The following AKAP9 variants were observed in gnomAD, a reference collection of about 807,000 sequenced individuals.
AKAP9 encodes A-kinase anchoring protein 9, also known as A-kinase anchor protein 9.
A neutral mutation model predicts 488.5 loss-of-function variants in AKAP9; 311 were observed. The ratio of observed to expected loss-of-function variants is 0.64; its 90% CI spans 0.58 to 0.70. The LOEUF (loss-of-function observed/expected upper bound fraction) is 0.70. AKAP9 is among the 30% of genes least tolerant of loss of function. The pLI, the probability that AKAP9 is intolerant of heterozygous loss-of-function variation, is 0.00. For synonymous variants in AKAP9, 1,462 were observed against 1,483.5 expected (o/e 0.99, Z 0.33); for missense variants, 4,215 against 4,374.5 (o/e 0.96, Z 1.03).
rs1810612787 is a variant in AKAP9 at position 92,065,409 on chromosome 7, A to G, written c.6156A>G (p.Arg2052=). Reference sequence around the variant, plus strand: ...AAAATACTGAACTAATGGATTTAAGACAGCAAAACCAAGCATTGGAAAAGC... The same window carrying G: ...AAAATACTGAACTAATGGATTTAAGGCAGCAAAACCAAGCATTGGAAAAGC... The part of the protein sequence containing the change: ...QEKNTELMDL[R]QQNQALEKQL... The change falls in exon 25 of 50, where the codon AGA becomes AGG. Residue 2052 remains arginine, a synonymous_variant. Coordinates refer to ENST00000356239, the MANE Select transcript of AKAP9 (RefSeq NM_005751.5). 6.2e-7 allele frequency: 1 copy of G among 1,613,022 alleles called. No homozygotes were observed. Among genetic ancestry groups the G allele is most frequent in the Non-Finnish European group, 8.5e-7 (1 of 1,179,468 alleles).
At chr7:92,042,003 C>T (rs1806188725) in intron 18 of AKAP9, 43 bp from the exon 19 acceptor site, 1 of 1,604,200 alleles carries the variant, frequency 6.2e-7, no homozygotes, top group East Asian at 2.2e-5. Flanking sequence ...CCCTTTTTCT[C>T]TATCACAAAC....
chr7:92,095,293 C>G, intron 40 of AKAP9, 120 bp downstream of exon 40: 1 of 1,115,390 alleles, frequency 9.0e-7, no homozygotes, highest in Non-Finnish European at 1.3e-6. Flanking sequence ...GTAAGTTGTT[C>G]ACTGTGCATT....
chr7:92,068,365 C>CAAAAA (rs77237109), intron 26 of AKAP9, among the ~76,000 whole-genome samples: 2 of 46,516 alleles, frequency 4.3e-5, no homozygotes, highest in Non-Finnish European at 9.5e-5. Flanking sequence ...GACTCCGTCT[C>CAAAAA]AAAAAAAAAA....
chr7:92,027,583 T>C lies in AKAP9; in HGVS notation c.4149-2312T>C, dbSNP rs866607646. Among the ~76,000 whole-genome samples, 397 of 120,820 alleles carry C rather than the reference T, an allele frequency of 3.3e-3. 2 individuals are homozygous for C. Among genetic ancestry groups the C allele is most frequent in the Non-Finnish European group, 4.6e-3 (265 of 57,212 alleles). The allele number at this position is 120,820 out of a possible 152,430, so 79.3% of individuals were successfully genotyped here. On this transcript the variant is annotated intron_variant, in intron 14 of 49. Coordinates refer to ENST00000356239, the MANE Select transcript of AKAP9 (RefSeq NM_005751.5). ...GAGGTGAGGAGCACCTCTGCCCGGC[T>C]GCCCCGTCTGGGAAGTGAGGAGCGC...
At chr7:92,070,875 A>G in intron 27 of AKAP9, 30 bp from the exon 28 acceptor site, 1 of 1,525,178 alleles carries the variant, frequency 6.6e-7, no homozygotes, top group Non-Finnish European at 9.0e-7. Context: ...TAATTTATCA[A>G]ATTTTGAGAA....
chr7:92,081,962 A>T (rs1340760265), intron 31 of AKAP9, among the ~76,000 whole-genome samples: 1 of 152,154 alleles, frequency 6.6e-6, no homozygotes, highest in African/African-American at 2.4e-5. Context: ...TTAAAATAGT[A>T]ATATAACTTT....
chr7:91,979,404 A>G (rs577734120), intron 2 of AKAP9, among the ~76,000 whole-genome samples: 1 of 152,218 alleles, frequency 6.6e-6, no homozygotes, highest in South Asian at 2.1e-4. Context: ...TATGGGGGAA[A>G]CTGCTCTCAT....
chr7:92,064,552 T>C (rs1478494890), intron 24 of AKAP9, among the ~76,000 whole-genome samples: 8 of 152,102 alleles, frequency 5.3e-5, no homozygotes, highest in Non-Finnish European at 1.0e-4. Flanking sequence ...TCATCATAAC[T>C]GTCACATGGG....
chr7:92,098,397 G>T lies in AKAP9; in HGVS notation c.10713+183G>T, dbSNP rs369450734. On this transcript the variant is annotated intron_variant, in intron 43 of 49. Coordinates refer to ENST00000356239, the MANE Select transcript of AKAP9 (RefSeq NM_005751.5). ...CCAAGAGAAGATAATGAAAGCTTAG[G>T]GGGGGAATTAGCTTTCATTATTGTC... 1.1e-3 allele frequency among the ~76,000 whole-genome samples: 166 copies of T among 152,028 alleles called. 2 individuals carry two copies. In the Middle Eastern group the frequency reaches 0.014, roughly 12 times the overall value.
At position 92,002,955 on chromosome 7, in the gene AKAP9, A is replaced by T. The variant is rs1554405449; in HGVS notation, c.3038A>T (p.Asp1013Val). ...AGGGCAGAAAATGTACAGTCATGTGATACTCAAGTAAGCTCTTTATTAGAT... is the reference window on the plus strand; with the variant it reads ...AGGGCAGAAAATGTACAGTCATGTGTTACTCAAGTAAGCTCTTTATTAGAT... ...HNRAENVQSC[D>V]TQVSSLLDGV... The change falls in exon 8 of 50, where the codon GAT becomes GTT. Residue 1013 changes from aspartate to valine, a missense_variant. Asp to Val is a radical substitution (Grantham distance 152, BLOSUM62 -3). Around this residue, in one of 5 missense-constraint regions of AKAP9, gnomAD observed 2,361 missense variants for 2,430.0 expected, o/e 0.97. Coordinates refer to ENST00000356239, the MANE Select transcript of AKAP9 (RefSeq NM_005751.5). 1 of 1,613,246 alleles carries T rather than the reference A, an allele frequency of 6.2e-7. No homozygotes were observed. The highest frequency in any genetic ancestry group is 8.5e-7 in the Non-Finnish European group (1 of 1,179,608).
intron 45 of AKAP9, among the ~76,000 whole-genome samples, chr7:92,101,962 C>A (rs1320672260): frequency 6.6e-6 from 1 of 151,926 alleles, no homozygotes; most frequent in Non-Finnish European, 1.5e-5. Flanking sequence ...TCGAGATCAG[C>A]CTGGCCAACA....
At chr7:92,055,167 G>A (rs1003191857) in intron 22 of AKAP9, among the ~76,000 whole-genome samples, 13 of 151,806 alleles carry the variant, frequency 8.6e-5, no homozygotes, top group African/African-American at 2.4e-4. Flanking sequence ...AAATTTTTAC[G>A]GGCTTCCTAA....
chr7:92,038,806 T>A (rs1204357363), intron 17 of AKAP9, 34 bp downstream of exon 17: 3 of 1,435,764 alleles, frequency 2.1e-6, no homozygotes, highest in East Asian at 2.3e-5. Context: ...AAAAACTTAT[T>A]TAAAAATTGT....
In AKAP9 at chr7:92,000,974, A is replaced by G; in HGVS notation, c.1057A>G (p.Thr353Ala). ...KKTLELKDKL[T>A]TADKLLGELQ... ...AACTCTTGAGCTAAAGGATAAATTA[A>G]CAACTGCTGATAAATTACTAGGAGA... Residue 353 changes from threonine (T) to alanine (A), a missense_variant, in exon 8 of 50, where the codon ACA (threonine) becomes GCA (alanine). Transcript: ENST00000356239. 6.5e-7 allele frequency: 1 copy of G among 1,534,934 alleles called. No homozygotes were observed. The highest frequency in any genetic ancestry group is 2.4e-5 in the East Asian group (1 of 40,862).
chr7:92,037,427 T>C (rs1236074177), intron 16 of AKAP9, among the ~76,000 whole-genome samples: 2 of 152,220 alleles, frequency 1.3e-5, no homozygotes, highest in African/African-American at 4.8e-5. Context: ...AAAATAATGC[T>C]GCAGATCAGT....
At chr7:92,003,720 C>A (rs142628906) in intron 8 of AKAP9, among the ~76,000 whole-genome samples, 1 of 151,674 alleles carries the variant, frequency 6.6e-6, no homozygotes, top group African/African-American at 2.4e-5. Flanking sequence ...GAAAAAAAAA[C>A]CTTTGATTTA....
intron 14 of AKAP9, among the ~76,000 whole-genome samples, chr7:92,026,596 A>G (rs1217702722): frequency 6.6e-6 from 1 of 152,040 alleles, no homozygotes; most frequent in Non-Finnish European, 1.5e-5. Context: ...CGGCCTCCCG[A>G]GGTGCTGGGA....
intron 2 of AKAP9, among the ~76,000 whole-genome samples, chr7:91,979,189 A>T (rs759419580): frequency 3.3e-5 from 5 of 152,046 alleles, no homozygotes; most frequent in Non-Finnish European, 7.3e-5. Flanking sequence ...GCTGATACAG[A>T]CATACCGGAG....
intron 21 of AKAP9, among the ~76,000 whole-genome samples, chr7:92,049,997 C>T (rs1393798946): frequency 1.3e-5 from 2 of 151,870 alleles, no homozygotes; most frequent in African/African-American, 4.8e-5. Context: ...TTCATACTGC[C>T]TTAAAAATTT....
Sources: gnomAD v4.1 joint callset for allele counts (sites outside exome capture counted in the v4.1 genomes callset) on GRCh38, gnomAD v4.1.1 for gene constraint, gnomAD v4.1.1 regional missense constraint, MANE v1.5 for transcripts, NCBI Gene and HGNC (gene_info 2026-07-23, HGNC 2026-07-21) for gene names.